The following CAMTA1 variants were observed in gnomAD, a reference collection of about 807,000 sequenced individuals.
CAMTA1 encodes the protein calmodulin binding transcription activator 1, also known as calmodulin-binding transcription activator 1.
CAMTA1 carries 27 observed loss-of-function variants against 170.9 expected under a neutral mutation model. That is an observed-to-expected ratio of 0.16 (90% CI 0.12 to 0.22). The LOEUF is 0.22. Among genes scored for constraint, CAMTA1 ranks in the 10% least tolerant of loss-of-function variants. The pLI, the probability that CAMTA1 is intolerant of heterozygous loss-of-function variation, is 1.00. For missense variants in CAMTA1, 1,619 were observed against 2,217.2 expected (o/e 0.73, Z 5.42); for synonymous variants, 833 against 891.5 (o/e 0.93, Z 1.17).
chr1:6,883,438 G>T (rs1672197848), intron 3 of CAMTA1, among the ~76,000 whole-genome samples: 1 of 151,980 alleles, frequency 6.6e-6, no homozygotes, highest in Non-Finnish European at 1.5e-5. Flanking sequence ...TAAGTGTAGG[G>T]CAGGAGAGGG....
chr1:7,485,551 G>T (rs2093606807), intron 6 of CAMTA1, among the ~76,000 whole-genome samples: 1 of 152,196 alleles, frequency 6.6e-6, no homozygotes, highest in Non-Finnish European at 1.5e-5. Flanking sequence ...TGGGGTTTGG[G>T]GCTGACGTTC....
intron 5 of CAMTA1, among the ~76,000 whole-genome samples, chr1:7,398,199 A>C (rs3986573): frequency 0.078 from 1,707 of 21,936 alleles, 13 homozygotes; most frequent in East Asian, 0.11. Flanking sequence ...CTCTCTATAT[A>C]TATATATATA....
intron 5 of CAMTA1, among the ~76,000 whole-genome samples, chr1:7,267,287 A>G (rs796992927): frequency 7.2e-5 from 11 of 152,328 alleles, no homozygotes; most frequent in African/African-American, 1.9e-4. Context: ...GAAGTCATCA[A>G]TTCATATCCA....
At chr1:7,172,884 G>A (rs534861058) in intron 4 of CAMTA1, among the ~76,000 whole-genome samples, 5 of 152,336 alleles carry the variant, frequency 3.3e-5, no homozygotes, top group East Asian at 1.9e-4. Context: ...CAGACTCTCC[G>A]TCTGCTATCC....
intron 4 of CAMTA1, among the ~76,000 whole-genome samples, chr1:7,218,213 C>T (rs983980679): frequency 5.7e-4 from 87 of 152,130 alleles, no homozygotes; most frequent in African/African-American, 1.5e-3. Flanking sequence ...CATTTACAAG[C>T]GTTGAGGATA....
intron 5 of CAMTA1, among the ~76,000 whole-genome samples, chr1:7,319,901 TCTATGG>T: frequency 6.6e-6 from 1 of 152,230 alleles, no homozygotes; most frequent in Non-Finnish European, 1.5e-5. Context: ...TGTTATTTAT[TCTATGG>T]CTGCCAATAC....
At chr1:7,004,732 C>T (rs1029782829) in intron 3 of CAMTA1, among the ~76,000 whole-genome samples, 7 of 152,196 alleles carry the variant, frequency 4.6e-5, no homozygotes, top group Non-Finnish European at 1.0e-4. Context: ...TATACTTTTT[C>T]AATTTTTTCA....
intron 3 of CAMTA1, among the ~76,000 whole-genome samples, chr1:6,993,300 T>A (rs1696684311): frequency 6.6e-6 from 1 of 152,252 alleles, no homozygotes; most frequent in African/African-American, 2.4e-5. Context: ...TGGAGAGAAC[T>A]GTCATCTTTA....
chr1:7,162,208 G>A (rs1647345343), intron 4 of CAMTA1, among the ~76,000 whole-genome samples: 1 of 152,184 alleles, frequency 6.6e-6, no homozygotes, highest in Non-Finnish European at 1.5e-5. Flanking sequence ...GCAAGACCAT[G>A]TATGGTCTTA....
chr1:7,758,654 G>C (rs1188142188), intron 22 of CAMTA1, among the ~76,000 whole-genome samples: 2 of 152,120 alleles, frequency 1.3e-5, no homozygotes, highest in Middle Eastern at 3.2e-3. Context: ...CTTATTTTTG[G>C]GCCGGGCGCG....
chr1:7,383,798 AGAT>A (rs1055360769), intron 5 of CAMTA1, among the ~76,000 whole-genome samples: 4 of 152,002 alleles, frequency 2.6e-5, no homozygotes, highest in Admixed American at 2.0e-4. Context: ...AGGATGATGG[AGAT>A]GATGATAATT....
intron 5 of CAMTA1, among the ~76,000 whole-genome samples, chr1:7,379,058 T>A (rs575864194): frequency 6.6e-6 from 1 of 152,214 alleles, no homozygotes; most frequent in Non-Finnish European, 1.5e-5. Context: ...GAGCACCTGA[T>A]GGTGAAATGC....
chr1:7,372,055 C>T (rs1218757072), intron 5 of CAMTA1, among the ~76,000 whole-genome samples: 2 of 152,210 alleles, frequency 1.3e-5, no homozygotes, highest in Non-Finnish European at 2.9e-5. Context: ...CTGCCCCACC[C>T]GGGCTCTGAC....
intron 5 of CAMTA1, among the ~76,000 whole-genome samples, chr1:7,433,909 A>G (rs2092262501): frequency 6.6e-6 from 1 of 152,106 alleles, no homozygotes; most frequent in Non-Finnish European, 1.5e-5. Flanking sequence ...CAGCCCCACA[A>G]GCCAGCAGCA....
At chr1:7,728,326 T>C (rs1231983530) in intron 11 of CAMTA1, among the ~76,000 whole-genome samples, 1 of 152,264 alleles carries the variant, frequency 6.6e-6, no homozygotes, top group Admixed American at 6.5e-5. Context: ...GGGACCGCAC[T>C]GCAGCACACT....
intron 11 of CAMTA1, among the ~76,000 whole-genome samples, chr1:7,727,134 T>G (rs975760498): frequency 6.6e-6 from 1 of 150,620 alleles, no homozygotes; most frequent in Non-Finnish European, 1.5e-5. Context: ...TTTTTTTTTT[T>G]TTTTTTGAGA....
At chr1:6,883,694 G>A (rs905391879) in intron 3 of CAMTA1, among the ~76,000 whole-genome samples, 4 of 152,080 alleles carry the variant, frequency 2.6e-5, no homozygotes, top group Admixed American at 6.5e-5. Context: ...TGGGATAGTC[G>A]AAGAGTAGAT....
In CAMTA1 at chr1:7,064,068, T is replaced by TCTCCTC. The variant is rs371043973; in HGVS notation, c.235-27221_235-27216dup. On this transcript the variant is annotated intron_variant, in intron 3 of 22. Coordinates refer to ENST00000303635, the MANE Select transcript of CAMTA1 (RefSeq NM_015215.4). The surrounding 1 kb of genome is among the most constrained non-coding windows in gnomAD (Gnocchi z 5.4). ...ATGGTGGGAGCCTTTGCCTTCACCTTCTCCTCCTCCTCCTCCTCCTTCTTC... is the reference window on the plus strand; with the variant it reads ...ATGGTGGGAGCCTTTGCCTTCACCTTCTCCTCCTCCTCCTCCTCCTCCTCCTTCTTC... 3.3e-5 allele frequency among the ~76,000 whole-genome samples: 5 copies of TCTCCTC among 151,596 alleles called. No individual in the cohort carries two copies. The highest frequency in any genetic ancestry group is 6.8e-3 in the Middle Eastern group (2 of 294).
intron 5 of CAMTA1, among the ~76,000 whole-genome samples, chr1:7,402,559 A>C (rs2089983927): frequency 6.6e-6 from 1 of 152,184 alleles, no homozygotes; most frequent in Non-Finnish European, 1.5e-5. Context: ...TATATGCTGC[A>C]GTCGTGATGG....
Sources: allele counts gnomAD v4.1 joint callset (sites outside exome capture counted in the v4.1 genomes callset), GRCh38; gene constraint gnomAD v4.1.1; non-coding constraint Gnocchi (gnomAD v3.1); transcripts MANE v1.5; gene names NCBI Gene and HGNC (gene_info 2026-07-23, HGNC 2026-07-21).